The following TRPC6 variants were observed in gnomAD, a reference collection of about 807,000 sequenced individuals.
TRPC6 encodes the protein short transient receptor potential channel 6.
A neutral mutation model predicts 90.7 loss-of-function variants in TRPC6; 55 were observed. That is an observed-to-expected ratio of 0.61 (90% CI 0.49 to 0.76). The LOEUF (loss-of-function observed/expected upper bound fraction) is 0.76. Ranked by LOEUF, TRPC6 falls within the 30% of genes least tolerant of loss-of-function variation. The probability of loss-of-function intolerance (pLI) is 0.00; values close to 1 mark genes in which losing one functional copy is unlikely to be tolerated. For synonymous variants in TRPC6, 393 were observed against 393.0 expected, an observed-to-expected ratio of 1.00 and a Z score of 0.00; for missense variants, 989 against 1,122.7, an observed-to-expected ratio of 0.88 and a Z score of 1.70.
chr11:101,498,416 A>G (rs1364920479), intron 2 of TRPC6, among the ~76,000 whole-genome samples: 1 of 152,102 alleles, frequency 6.6e-6, no homozygotes, highest in Non-Finnish European at 1.5e-5. Context: ...CTGTGGCTCC[A>G]TCTAATTGTT....
intron 2 of TRPC6, among the ~76,000 whole-genome samples, chr11:101,498,572 T>G (rs1860009532): frequency 6.6e-6 from 1 of 152,154 alleles, no homozygotes; most frequent in Admixed American, 6.5e-5. Context: ...CCATGGTCTC[T>G]TTTGTTAATG....
chr11:101,461,793 C>T (rs1052166546), intron 10 of TRPC6, among the ~76,000 whole-genome samples: 3 of 152,258 alleles, frequency 2.0e-5, no homozygotes, highest in East Asian at 1.9e-4. Flanking sequence ...TCTTCCAGAA[C>T]CCACACCTTC....
At chr11:101,468,994 G>A (rs951399856) in intron 10 of TRPC6, among the ~76,000 whole-genome samples, 7 of 152,060 alleles carry the variant, frequency 4.6e-5, no homozygotes, top group South Asian at 2.1e-4. Flanking sequence ...CATTATACAC[G>A]GTGTCGACCA....
chr11:101,521,371 A>G (rs1259725999), intron 1 of TRPC6, among the ~76,000 whole-genome samples: 1 of 152,230 alleles, frequency 6.6e-6, no homozygotes, highest in Non-Finnish European at 1.5e-5. Context: ...CCATGTCATG[A>G]TAAGCCTGCA....
At chr11:101,581,062 A>C (rs1157584424) in intron 1 of TRPC6, among the ~76,000 whole-genome samples, 1 of 152,248 alleles carries the variant, frequency 6.6e-6, no homozygotes, top group Admixed American at 6.5e-5. Flanking sequence ...TGGAAATAAT[A>C]GATTCATATA....
chr11:101,489,636 AT>A (rs57237951), intron 3 of TRPC6, among the ~76,000 whole-genome samples: 4,805 of 148,248 alleles, frequency 0.032, 89 homozygotes, highest in Non-Finnish European at 0.046. Flanking sequence ...AATTTTCAAT[AT>A]TTTTTTTTTT....
intron 1 of TRPC6, among the ~76,000 whole-genome samples, chr11:101,527,416 G>T (rs930460221): frequency 1.3e-5 from 2 of 152,146 alleles, no homozygotes; most frequent in Non-Finnish European, 2.9e-5. Flanking sequence ...TGCCCATAAT[G>T]ATTTGACTGG....
intron 1 of TRPC6, among the ~76,000 whole-genome samples, chr11:101,542,526 T>G (rs1283815370): frequency 6.6e-6 from 1 of 152,120 alleles, no homozygotes; most frequent in Non-Finnish European, 1.5e-5. Flanking sequence ...ATGATGTATT[T>G]GGGTTTTGCA....
intron 1 of TRPC6, among the ~76,000 whole-genome samples, chr11:101,545,230 A>G (rs1861274756): frequency 6.6e-6 from 1 of 152,170 alleles, no homozygotes; most frequent in African/African-American, 2.4e-5. Context: ...TAACCATACA[A>G]CAATTAAAAT....
At chr11:101,515,429 T>C (rs1450002706) in intron 1 of TRPC6, among the ~76,000 whole-genome samples, 5 of 152,244 alleles carry the variant, frequency 3.3e-5, no homozygotes, top group African/African-American at 1.2e-4. Flanking sequence ...TATACCTTCA[T>C]CTGTGACTAT....
chr11:101,514,908 A>T lies in TRPC6; in HGVS notation c.171-10110T>A, dbSNP rs75243426. 4.5e-3 allele frequency among the ~76,000 whole-genome samples: 689 copies of T among 152,282 alleles called. 11 individuals carry two copies. Among genetic ancestry groups the T allele is most frequent in the African/African-American group, 0.016 (666 of 41,548 alleles). On this transcript the variant is annotated intron_variant, in intron 1 of 12. Transcript: ENST00000344327. Reference sequence around the variant, plus strand: ...GAAAACTTTGGGGGAACCTTGCAAAATATTTGGAAGAACAAAGCTTTAAAG... The same window carrying T: ...GAAAACTTTGGGGGAACCTTGCAAATTATTTGGAAGAACAAAGCTTTAAAG...
chr11:101,469,781 A>T (rs1048262265), intron 9 of TRPC6, among the ~76,000 whole-genome samples: 11 of 152,226 alleles, frequency 7.2e-5, no homozygotes, highest in African/African-American at 2.7e-4. Context: ...TCTGTAAGTT[A>T]TACTTCTGGA....
rs1175811834 is a variant in TRPC6, at chr11:101,491,713, T to C, written c.971A>G (p.Gln324Arg). ...GAGTCCAACAACAAAGTCTTTGCAC[T>C]GCATTGACAGTTTTTTGTAGTCATT... is the stretch of plus-strand genomic sequence containing the variant. ...FKNDYKKLSM[Q>R]CKDFVVGLLD... The change falls in exon 3 of 13, where the codon CAG (glutamine) becomes CGG (arginine). Residue 324 changes from glutamine to arginine, a missense_variant. Physicochemically the swap from Gln to Arg is conservative, Grantham distance 43 (BLOSUM62 1). Transcript: ENST00000344327. 2 of 1,613,794 alleles carry C rather than the reference T, an allele frequency of 1.2e-6. No individual in the cohort carries two copies. The highest frequency in any genetic ancestry group is 8.5e-7 in the Non-Finnish European group (1 of 1,179,970).
intron 5 of TRPC6, among the ~76,000 whole-genome samples, chr11:101,478,772 T>C (rs1490439423): frequency 2.0e-5 from 3 of 152,160 alleles, no homozygotes; most frequent in African/African-American, 4.8e-5. Flanking sequence ...CATTCCACTG[T>C]TGAATTTTCA....
intron 1 of TRPC6, among the ~76,000 whole-genome samples, chr11:101,518,609 G>T (rs189182904): frequency 1.3e-5 from 2 of 152,278 alleles, no homozygotes; most frequent in East Asian, 1.9e-4. Flanking sequence ...ATGTAAATTG[G>T]TACTATGAAG....
In TRPC6 at chr11:101,576,727, T is replaced by C. The variant is rs576534497; in HGVS notation, c.170+6607A>G. ...GACTCAAGAAAATGTTTTCCTTTTA[T>C]GACTTTTACCCTCTTTAAGATGAAT... On this transcript the variant is annotated intron_variant, in intron 1 of 12. Transcript: ENST00000344327. 2.0e-5 allele frequency among the ~76,000 whole-genome samples: 3 copies of C among 152,336 alleles called. No individual in the cohort carries two copies. The East Asian group carries it at 5.8e-4, about 29-fold the overall frequency.
chr11:101,476,589 C>G (rs528549876), intron 5 of TRPC6, 55 bp from the exon 6 acceptor site: 1 of 1,497,314 alleles, frequency 6.7e-7, no homozygotes, highest in Non-Finnish European at 9.3e-7. Context: ...CTTAGCTGTT[C>G]TATAAAACAA....
intron 4 of TRPC6, among the ~76,000 whole-genome samples, chr11:101,484,456 C>T (rs1344919965): frequency 6.6e-6 from 1 of 152,044 alleles, no homozygotes; most frequent in Admixed American, 6.6e-5. Context: ...CTCTATTTCC[C>T]TACCTTTATT....
At chr11:101,579,601 T>C (rs1381766408) in intron 1 of TRPC6, among the ~76,000 whole-genome samples, 1 of 152,222 alleles carries the variant, frequency 6.6e-6, no homozygotes, top group African/African-American at 2.4e-5. Flanking sequence ...TTTACTCTTA[T>C]AGGAACCTCA....
Sources: allele counts gnomAD v4.1 joint callset (sites outside exome capture counted in the v4.1 genomes callset), GRCh38; gene constraint gnomAD v4.1.1; transcripts MANE v1.5; gene names NCBI Gene and HGNC (gene_info 2026-07-23, HGNC 2026-07-21).